Variants in MYH9 observed in about 807,000 individuals in gnomAD.
MYH9 encodes myosin heavy chain 9.
In MYH9, 29 loss-of-function variants were observed where a neutral mutation model predicts 241.9. That is an observed-to-expected ratio of 0.12 (90% CI 0.09 to 0.16). The LOEUF (loss-of-function observed/expected upper bound fraction) is 0.16. Among genes scored for constraint, MYH9 ranks in the 10% least tolerant of loss-of-function variants. The pLI is 1.00. For missense variants in MYH9, 1,803 were observed against 2,595.5 expected (o/e 0.69, Z 6.63); for synonymous variants, 1,047 against 1,062.6 (o/e 0.99, Z 0.29).
chr22:36,386,954 G>T (rs2018361529), intron 1 of MYH9, among the ~76,000 whole-genome samples: 1 of 152,264 alleles, frequency 6.6e-6, no homozygotes, highest in African/African-American at 2.4e-5. Flanking sequence ...AGAGCTAGCT[G>T]CCCCCGCACC....
chr22:36,292,193 G>A lies in MYH9; in HGVS notation c.4137C>T (p.Cys1379=). ...MKKKMEDSVG[C]LETAEEVKRK... is the part of the protein sequence containing the mutation. ...TCTTCACCTCCTCAGCAGTTTCCAG[G>A]CACCCCACACTGTCCTCCATCTTCT... The change falls in exon 31 of 41, where the codon TGC becomes TGT. Residue 1379 remains cysteine (C), a synonymous_variant. Coordinates refer to ENST00000216181, the MANE Select transcript of MYH9 (RefSeq NM_002473.6). 1 of 1,614,022 alleles carries A rather than the reference G, an allele frequency of 6.2e-7. No homozygotes were observed. The highest frequency in any genetic ancestry group is 8.5e-7 in the Non-Finnish European group (1 of 1,180,022).
In MYH9 at chr22:36,346,763, C is replaced by G. The variant is rs2017684298; in HGVS notation, c.333+2141G>C. On this transcript the variant is annotated intron_variant, in intron 2 of 40. Transcript: ENST00000216181. ...GGGACTATAGGCACGCCACACTATG[C>G]CCATCTAATTTTTTTATTTTTTTGT... Among the ~76,000 whole-genome samples the G allele has an allele frequency of 2.6e-5, 4 of 152,104 alleles. No individual in the cohort carries two copies. In the South Asian group the frequency reaches 8.3e-4, roughly 32 times the overall value.
chr22:36,300,162 T>A lies in MYH9; in HGVS notation c.2941A>T (p.Ile981Phe), dbSNP rs771579189. The A allele has an allele frequency of 1.2e-6, 2 of 1,613,118 alleles. No homozygotes were observed. The highest frequency in any genetic ancestry group is 1.7e-6 in the Non-Finnish European group (2 of 1,180,010). Residue 981 changes from isoleucine to phenylalanine, a missense_variant, in exon 23 of 41, where the codon ATC becomes TTC. Coordinates refer to ENST00000216181, the MANE Select transcript of MYH9 (RefSeq NM_002473.6). This position sits in a 1 kb window ranked among gnomAD's most constrained non-coding sequence, Gnocchi z 5.0. ...AKLKKLEEEQ[I>F]ILEDQNCKLA... is the part of the protein sequence containing the mutation. The stretch of plus-strand genomic sequence containing the variant: ...TTGCAGTTCTGGTCCTCCAGGATGA[T>A]CTGCTCCTCCTCCAGCTTTTTCAGC...
intron 2 of MYH9, among the ~76,000 whole-genome samples, chr22:36,343,137 C>T (rs1026353473): frequency 1.3e-5 from 2 of 152,140 alleles, no homozygotes; most frequent in African/African-American, 4.8e-5. Context: ...GAAGAGAAGG[C>T]TCTTCTCAGG....
chr22:36,292,168 T>C lies in MYH9; in HGVS notation c.4162A>G (p.Arg1388Gly). Residue 1388 changes from arginine (R) to glycine (G), a missense_variant, in exon 31 of 41, where the codon AGG (arginine) becomes GGG (glycine). Transcript: ENST00000216181. ...CCCTCCAGGTCCTTCTGGAGCTTCC[T>C]CTTCACCTCCTCAGCAGTTTCCAGG... ...GCLETAEEVK[R>G]KLQKDLEGLS... 4 of 1,614,172 alleles carry C rather than the reference T, an allele frequency of 2.5e-6. No individual in the cohort carries two copies. Among genetic ancestry groups the C allele is most frequent in the Non-Finnish European group, 3.4e-6 (4 of 1,180,038 alleles).
At position 36,320,811 on chromosome 22, in the gene MYH9, T is replaced by A; in HGVS notation, c.855A>T (p.Gly285=). 6.2e-7 allele frequency: 1 copy of A among 1,613,966 alleles called. No individual in the cohort carries two copies. Among genetic ancestry groups the A allele is most frequent in the East Asian group, 2.2e-5 (1 of 44,876 alleles). ...CCAACTACTCACTCTTCAGGTGCTC[T>A]CCAGCCCCAGACAGGAGATAATAGA... is the stretch of plus-strand genomic sequence containing the variant. ...HIFYYLLSGA[G]EHLKTDLLLE... is the part of the protein sequence containing the mutation. The change falls in exon 8 of 41, where the codon GGA becomes GGT. Residue 285 remains glycine, a synonymous_variant. Coordinates refer to ENST00000216181, the MANE Select transcript of MYH9 (RefSeq NM_002473.6). This position sits in a 1 kb window ranked among gnomAD's most constrained non-coding sequence, Gnocchi z 4.8.
chr22:36,347,865 G>A (rs2017702505), intron 2 of MYH9, among the ~76,000 whole-genome samples: 1 of 151,018 alleles, frequency 6.6e-6, no homozygotes, highest in Non-Finnish European at 1.5e-5. Flanking sequence ...TGGGGCAAAT[G>A]GTGAAGGGAG....
Position 36,306,674 on chromosome 22 carries a change from G to T in MYH9, c.1844-67C>A. The T allele has an allele frequency of 6.8e-7, 1 of 1,473,142 alleles. No individual in the cohort carries two copies. The highest frequency in any genetic ancestry group is 9.3e-7 in the Non-Finnish European group (1 of 1,073,740). The allele number at this position is 1,473,142 out of a possible 1,614,324, so 91.3% of individuals were successfully genotyped here. ...CAGCTGGGTGGTGGGGGAGCACGTA[G>T]GAGAGAGAGACAGGCACACGTCGGA... On this transcript the variant is annotated intron_variant, in intron 15 of 40. Transcript: ENST00000216181. The surrounding 1 kb of genome is among the most constrained non-coding windows in gnomAD (Gnocchi z 4.1).
chr22:36,348,107 T>C, intron 2 of MYH9, among the ~76,000 whole-genome samples: 1 of 147,600 alleles, frequency 6.8e-6, no homozygotes, highest in Non-Finnish European at 1.5e-5. Context: ...TTTTTTAAAA[T>C]ATTTTAAATA....
At chr22:36,343,893 G>GAAAA (rs751149252) in intron 2 of MYH9, among the ~76,000 whole-genome samples, 30 of 152,166 alleles carry the variant, frequency 2.0e-4, no homozygotes, top group Non-Finnish European at 3.8e-4. Flanking sequence ...TGGACTTTGA[G>GAAAA]AAAACCCACA....
At chr22:36,328,101 C>G (rs1603483589) in intron 3 of MYH9, among the ~76,000 whole-genome samples, 1 of 152,248 alleles carries the variant, frequency 6.6e-6, no homozygotes, top group Non-Finnish European at 1.5e-5. Flanking sequence ...CATGTGAACA[C>G]ACCAGCACGG....
At chr22:36,331,440 A>G (rs987986275) in intron 3 of MYH9, among the ~76,000 whole-genome samples, 1 of 152,152 alleles carries the variant, frequency 6.6e-6, no homozygotes, top group Admixed American at 6.5e-5. Flanking sequence ...AGGGCATCTG[A>G]GCTGATGTGG....
At chr22:36,367,073 TC>T (rs927553902) in intron 1 of MYH9, among the ~76,000 whole-genome samples, 3 of 152,200 alleles carry the variant, frequency 2.0e-5, no homozygotes, top group African/African-American at 7.2e-5. Flanking sequence ...TGCAGTGCGG[TC>T]CATGGACTTT....
intron 23 of MYH9, 97 bp from the exon 24 acceptor site, chr22:36,299,139 G>A (rs2016835226): frequency 4.6e-6 from 7 of 1,507,962 alleles, no homozygotes; most frequent in South Asian, 2.3e-5. Context: ...GGGGCTGAAT[G>A]GAGAGGGCTT....
Position 36,288,758 on chromosome 22 carries a change from C to T in MYH9, c.4739G>A (p.Ser1580Asn). Residue 1580 changes from serine to asparagine, a missense_variant, in exon 33 of 41, where the codon AGC becomes AAC. By Grantham distance (46) the Ser-to-Asn change is conservative. Around this residue, in one of 11 missense-constraint regions of MYH9, gnomAD observed 876 missense variants for 1,077.8 expected, o/e 0.81. Transcript: ENST00000216181. The surrounding 1 kb of genome is among the most constrained non-coding windows in gnomAD (Gnocchi z 4.8). ...ERDLQGRDEQ[S>N]EEKKKQLVRQ... The stretch of plus-strand genomic sequence containing the variant: ...GACCAGCTGCTTCTTCTTCTCCTCG[C>T]TCTGCTCGTCCCGGCCCTGCAGGTC... The T allele has an allele frequency of 6.2e-7, 1 of 1,607,826 alleles. No homozygotes were observed.
Position 36,302,556 on chromosome 22 carries a change from T to C in MYH9, c.2499+12A>G. On this transcript the variant is annotated intron_variant, in intron 20 of 40. Coordinates refer to ENST00000216181, the MANE Select transcript of MYH9 (RefSeq NM_002473.6). ...TAGTCCCAGCTACTCAGGAGGCCCTTCTAGCACGCACCTTGGTGAAGAGCC... is the reference window on the plus strand; with the variant it reads ...TAGTCCCAGCTACTCAGGAGGCCCTCCTAGCACGCACCTTGGTGAAGAGCC... 6.2e-7 allele frequency: 1 copy of C among 1,610,774 alleles called. No homozygotes were observed.
intron 1 of MYH9, among the ~76,000 whole-genome samples, chr22:36,371,062 G>C (rs1437701332): frequency 6.6e-6 from 1 of 152,154 alleles, no homozygotes; most frequent in East Asian, 1.9e-4. Context: ...TCCTCCCCCA[G>C]ATCTGAAGGC....
chr22:36,289,152 C>T lies in MYH9; in HGVS notation c.4490G>A (p.Arg1497Gln), dbSNP rs1373228814. ...CTCCGTGCGGAACTGCTTGTTGAGC[C>T]GCTCCAGCTCCGCCTTCTGCTCCAT... ...EAMEQKAELE[R>Q]LNKQFRTEME... The change falls in exon 32 of 41, where the codon CGG (arginine) becomes CAG (glutamine). Residue 1497 changes from arginine to glutamine, a missense_variant. By Grantham distance (43) the Arg-to-Gln change is conservative. Around this residue, in one of 11 missense-constraint regions of MYH9, gnomAD observed 876 missense variants for 1,077.8 expected, o/e 0.81. Coordinates refer to ENST00000216181, the MANE Select transcript of MYH9 (RefSeq NM_002473.6). 8.7e-6 allele frequency: 14 copies of T among 1,614,064 alleles called. No homozygotes were observed. The highest frequency in any genetic ancestry group is 1.1e-5 in the South Asian group (1 of 91,086).
chr22:36,341,403 T>C lies in MYH9; in HGVS notation c.457A>G (p.Ile153Val). 1.9e-6 allele frequency: 3 copies of C among 1,614,138 alleles called. No homozygotes were observed. The highest frequency in any genetic ancestry group is 1.7e-6 in the Non-Finnish European group (2 of 1,179,972). Reference sequence around the variant, plus strand: ...ATACTCCTGTAGGCGGTGTCTGTGATGGCATAGATGTGAGGGGGCATCTCG... The same window carrying C: ...ATACTCCTGTAGGCGGTGTCTGTGACGGCATAGATGTGAGGGGGCATCTCG... ...RHEMPPHIYA[I>V]TDTAYRSMMQ... The change falls in exon 3 of 41, where the codon ATC becomes GTC. Residue 153 changes from isoleucine to valine, a missense_variant. Coordinates refer to ENST00000216181, the MANE Select transcript of MYH9 (RefSeq NM_002473.6).
Sources: gnomAD v4.1 joint callset for allele counts (sites outside exome capture counted in the v4.1 genomes callset) on GRCh38, gnomAD v4.1.1 for gene constraint, gnomAD v4.1.1 regional missense constraint, Gnocchi (gnomAD v3.1) non-coding constraint, MANE v1.5 for transcripts, NCBI Gene and HGNC (gene_info 2026-07-23, HGNC 2026-07-21) for gene names.